The following TET2 variants were observed in gnomAD, a reference collection of about 807,000 sequenced individuals.
The protein encoded by TET2 is tet methylcytosine dioxygenase 2.
Under a neutral mutation model 142.9 loss-of-function variants are expected in TET2, and 299 were observed. That is an observed-to-expected ratio of 2.09 (90% CI 1.90 to 2.30). The LOEUF is 2.30. Ranked by LOEUF, TET2 falls within the 30% of genes most tolerant of loss-of-function variation. The pLI, the probability that TET2 is intolerant of heterozygous loss-of-function variation, is 0.00. For missense variants in TET2, 2,418 were observed against 2,378.0 expected (o/e 1.02, Z -0.35); for synonymous variants, 819 against 849.0 (o/e 0.96, Z 0.61).
At chr4:105,269,186 T>C (rs1375164960) in intron 8 of TET2, among the ~76,000 whole-genome samples, 1 of 152,136 alleles carries the variant, frequency 6.6e-6, no homozygotes, top group East Asian at 1.9e-4. Flanking sequence ...AAAAAGGTAA[T>C]CTTGACCCTT....
chr4:105,231,285 A>G (rs951606858), intron 2 of TET2, among the ~76,000 whole-genome samples: 1 of 152,190 alleles, frequency 6.6e-6, no homozygotes, highest in Non-Finnish European at 1.5e-5. Context: ...TTTTAGTAAG[A>G]GTATATTAAG....
intron 2 of TET2, among the ~76,000 whole-genome samples, chr4:105,205,964 C>T (rs34104813): frequency 0.28 from 42,921 of 152,058 alleles, 6,444 homozygotes; most frequent in Non-Finnish European, 0.35. Flanking sequence ...GCATTTAGAA[C>T]GTTATCACTG....
chr4:105,208,549 GT>G (rs1726962084), intron 2 of TET2, among the ~76,000 whole-genome samples: 1 of 152,074 alleles, frequency 6.6e-6, no homozygotes, highest in Admixed American at 6.6e-5. Flanking sequence ...TGTACAACAA[GT>G]TAAAAAATTT....
chr4:105,224,952 C>T (rs994744293), intron 2 of TET2, among the ~76,000 whole-genome samples: 1 of 151,996 alleles, frequency 6.6e-6, no homozygotes, highest in African/African-American at 2.4e-5. Context: ...AAAGGATAGA[C>T]ATACATAATA....
intron 1 of TET2, among the ~76,000 whole-genome samples, chr4:105,154,487 G>A (rs922400807): frequency 6.6e-6 from 1 of 152,182 alleles, no homozygotes; most frequent in East Asian, 1.9e-4. Context: ...GCCAAGGCGG[G>A]AGACCAGAAG....
intron 1 of TET2, among the ~76,000 whole-genome samples, chr4:105,184,715 A>G (rs1016327897): frequency 6.9e-6 from 1 of 143,896 alleles, no homozygotes; most frequent in Admixed American, 7.1e-5. Context: ...ATTTACTTGC[A>G]GAGAGGTGTG....
rs2110306889 is a variant in TET2, at chr4:105,272,783, A to T, written c.4402A>T (p.Lys1468Ter). ...AEPVKTCRQR[K>*]LEAKKAAAEK... ...GCCAGTCAAGACTTGCCGACAAAGG[A>T]AACTAGAAGCCAAGAAAGCTGCAGC... Residue 1468 changes from lysine (K) to a stop codon, truncating the protein, a stop_gained, in exon 10 of 11, where the codon AAA becomes TAA. Coordinates refer to ENST00000380013, the MANE Select transcript of TET2 (RefSeq NM_001127208.3). LOFTEE classifies it high-confidence loss of function. 6.4e-7 allele frequency: 1 copy of T among 1,551,722 alleles called. No individual in the cohort carries two copies.
At position 105,267,086 on chromosome 4, in the gene TET2, C is replaced by CT. The variant is rs1263004556; in HGVS notation, c.4045-2521dup. Among the ~76,000 whole-genome samples, 6 of 151,410 alleles carry CT rather than the reference C, an allele frequency of 4.0e-5. No homozygotes were observed. The South Asian group carries it at 1.3e-3, about 32-fold the overall frequency. The stretch of plus-strand genomic sequence containing the variant: ...AAGAGAGAAGATGTAAGAGAAACAT[C>CT]TTTAACATACTAAAAGAAAAAAGAC... On this transcript the variant is annotated intron_variant, in intron 8 of 10. Transcript: ENST00000380013.
intron 1 of TET2, chr4:105,147,378 TC>T (rs1001234530): frequency 2.1e-4 from 32 of 152,394 alleles, no homozygotes; most frequent in African/African-American, 7.5e-4. Flanking sequence ...CCTGTTTCTT[TC>T]GTGTAAGTGA....
chr4:105,276,838 T>TCCCCCCCCCCCG lies in TET2; in HGVS notation c.*321_*332dup, dbSNP rs1731247719. The TCCCCCCCCCCCG allele has an allele frequency of 6.9e-6, 1 of 144,462 alleles. No homozygotes were observed. Among genetic ancestry groups the TCCCCCCCCCCCG allele is most frequent in the Non-Finnish European group, 1.3e-5 (1 of 74,626 alleles). The allele number at this position is 144,462 out of a possible 1,614,324, so 8.9% of individuals were successfully genotyped here. On this transcript the variant is annotated 3_prime_UTR_variant, in exon 11 of 11. Transcript: ENST00000380013. ...TGGACGAGATGATATGTAAATGTGA[T>TCCCCCCCCCCCG]CCCCCCCCCCCGCTTACAACTCTAC...
chr4:105,262,385 A>G (rs972788549), intron 8 of TET2, among the ~76,000 whole-genome samples: 2 of 151,808 alleles, frequency 1.3e-5, no homozygotes, highest in African/African-American at 2.4e-5. Context: ...TCTATTTTAC[A>G]TGTGTATTCT....
Position 105,235,609 on chromosome 4 carries a change from C to T in TET2, c.1667C>T (p.Thr556Ile), listed in dbSNP as rs1430969609. The change falls in exon 3 of 11, where the codon ACA becomes ATA. Residue 556 changes from threonine to isoleucine, a missense_variant. Transcript: ENST00000380013. ...KEQTRDLVPP[T>I]QHYLKPGWIE... is the part of the protein sequence containing the mutation. ...CAAACACGAGATCTTGTGCCCCCAACACAGCACTATCTGAAACCAGGATGG... is the reference window on the plus strand; with the variant it reads ...CAAACACGAGATCTTGTGCCCCCAATACAGCACTATCTGAAACCAGGATGG... The T allele has an allele frequency of 6.2e-7, 1 of 1,614,180 alleles. No individual in the cohort carries two copies. The highest frequency in any genetic ancestry group is 2.2e-5 in the East Asian group (1 of 44,886).
intron 2 of TET2, among the ~76,000 whole-genome samples, chr4:105,200,806 A>G (rs938915203): frequency 2.0e-5 from 3 of 151,916 alleles, no homozygotes; most frequent in African/African-American, 7.3e-5. Context: ...GACTACAGGC[A>G]CACACCACCA....
Position 105,276,533 on chromosome 4 carries a change from T to G in TET2, c.*14T>G. 1 of 1,542,438 alleles carries G rather than the reference T, an allele frequency of 6.5e-7. No homozygotes were observed. The highest frequency in any genetic ancestry group is 8.8e-7 in the Non-Finnish European group (1 of 1,141,368). ...AGATATATATGATATCACCCCCTTT[T>G]GTTGGTTACCTCACTTGAAAAGACC... On this transcript the variant is annotated 3_prime_UTR_variant, in exon 11 of 11. Transcript: ENST00000380013.
chr4:105,201,557 T>C (rs1240945061), intron 2 of TET2, among the ~76,000 whole-genome samples: 3 of 152,106 alleles, frequency 2.0e-5, no homozygotes, highest in East Asian at 3.9e-4. Context: ...ATTGCTTATT[T>C]GTGAGAGTTG....
chr4:105,151,540 C>G (rs1723300840), intron 1 of TET2, among the ~76,000 whole-genome samples: 1 of 151,292 alleles, frequency 6.6e-6, no homozygotes, highest in Admixed American at 6.6e-5. Flanking sequence ...TAATATCATC[C>G]TACCTGCAGT....
chr4:105,259,611 T>TTTTTC lies in TET2; in HGVS notation c.3804-7_3804-3dup, dbSNP rs1254101391. 1 of 1,550,260 alleles carries TTTTTC rather than the reference T, an allele frequency of 6.5e-7. No individual in the cohort carries two copies. Among genetic ancestry groups the TTTTTC allele is most frequent in the Non-Finnish European group, 8.7e-7 (1 of 1,146,188 alleles). On this transcript the variant is annotated splice_region_variant and splice_polypyrimidine_tract_variant and intron_variant, in intron 6 of 10. Coordinates refer to ENST00000380013, the MANE Select transcript of TET2 (RefSeq NM_001127208.3). ...CATAGCAATGAATTTGGTCTTTTGA[T>TTTTTC]TTTTCAGGAGAACTTGCGCCTGTCA...
chr4:105,246,193 G>A (rs563583612), intron 6 of TET2, among the ~76,000 whole-genome samples: 1 of 152,170 alleles, frequency 6.6e-6, no homozygotes, highest in Admixed American at 6.5e-5. Flanking sequence ...AAAGTGCTGG[G>A]ATTACAGGTG....
chr4:105,202,674 T>C (rs1423423812), intron 2 of TET2: 1 of 152,226 alleles, frequency 6.6e-6, no homozygotes, highest in Non-Finnish European at 1.5e-5. Context: ...GTATTTTTAG[T>C]AACATCATAA....
Sources: allele counts gnomAD v4.1 joint callset (sites outside exome capture counted in the v4.1 genomes callset), GRCh38; gene constraint gnomAD v4.1.1; transcripts MANE v1.5; gene names NCBI Gene and HGNC (gene_info 2026-07-23, HGNC 2026-07-21).